The following COPG1 variants were observed in gnomAD, a reference collection of about 807,000 sequenced individuals.
COPG1 encodes the protein coatomer subunit gamma-1.
COPG1 carries 29 observed loss-of-function variants against 102.8 expected under a neutral mutation model. That is an observed-to-expected ratio of 0.28 (90% CI 0.21 to 0.38). The LOEUF is 0.38. COPG1 is among the 10% of genes least tolerant of loss of function. The probability of loss-of-function intolerance (pLI) is 1.00; values close to 1 mark genes in which losing one functional copy is unlikely to be tolerated. For synonymous variants in COPG1, 406 were observed against 421.6 expected, an observed-to-expected ratio of 0.96 and a Z score of 0.45; for missense variants, 875 against 1,132.7, an observed-to-expected ratio of 0.77 and a Z score of 3.27.
chr3:129,260,172 C>T (rs1254969531), intron 10 of COPG1, 161 bp from the exon 11 acceptor site: 2 of 672,712 alleles, frequency 3.0e-6, no homozygotes, highest in South Asian at 3.5e-5. Context: ...GTCCATGGCT[C>T]AGGTGCGCAG....
At chr3:129,251,347 G>A (rs1239906184) in intron 2 of COPG1, among the ~76,000 whole-genome samples, 1 of 148,130 alleles carries the variant, frequency 6.8e-6, no homozygotes, top group Non-Finnish European at 1.5e-5. Flanking sequence ...TGCATGACTT[G>A]TTTATTTTTA....
rs185417556 is a variant in COPG1, at chr3:129,271,484, C to T, written c.1844-283C>T. Among the ~76,000 whole-genome samples, 444 of 152,194 alleles carry T rather than the reference C, an allele frequency of 2.9e-3. 1 individual carries two copies. Among genetic ancestry groups the T allele is most frequent in the Non-Finnish European group, 5.1e-3 (347 of 68,036 alleles). Reference sequence around the variant, plus strand: ...TAGCTGGGGGATTCTCCAATTAGGTCTAGGATTTTGTGGTCTCATATCAGT... The same window carrying T: ...TAGCTGGGGGATTCTCCAATTAGGTTTAGGATTTTGTGGTCTCATATCAGT... On this transcript the variant is annotated intron_variant, in intron 18 of 23. Coordinates refer to ENST00000314797, the MANE Select transcript of COPG1 (RefSeq NM_016128.4). This position sits in a 1 kb window ranked among gnomAD's most constrained non-coding sequence, Gnocchi z 4.7.
chr3:129,254,888 C>A (rs756402486), intron 6 of COPG1, 97 bp from the exon 7 acceptor site: 22 of 1,210,094 alleles, frequency 1.8e-5, no homozygotes, highest in Non-Finnish European at 2.6e-5. Context: ...GAAACGCTTA[C>A]TTCCTCCTCA....
intron 3 of COPG1, 94 bp downstream of exon 3, chr3:129,252,455 T>C: frequency 9.4e-7 from 1 of 1,068,568 alleles, no homozygotes; most frequent in Non-Finnish European, 1.5e-6. Flanking sequence ...TTGGACAGCC[T>C]CTGTGTGGCT....
rs555906537 is a variant in COPG1 at position 129,268,959 on chromosome 3, A to G, written c.1802A>G (p.Gln601Arg). 1 of 1,614,184 alleles carries G rather than the reference A, an allele frequency of 6.2e-7. No individual in the cohort carries two copies. Among genetic ancestry groups the G allele is most frequent in the African/African-American group, 1.3e-5 (1 of 75,054 alleles). Residue 601 changes from glutamine to arginine, a missense_variant, in exon 18 of 24, where the codon CAG (glutamine) becomes CGG (arginine). By Grantham distance (43) the Gln-to-Arg change is conservative. Transcript: ENST00000314797. ...AGTACCCCCATCACAGCAGTCAAAC[A>G]GCCTGAGAAAGTGGCAGCTACCAGG... ...TESTPITAVK[Q>R]PEKVAATRQE...
chr3:129,276,820 TTTC>T (rs1193952767), intron 23 of COPG1, among the ~76,000 whole-genome samples: 1 of 133,194 alleles, frequency 7.5e-6, no homozygotes, highest in Non-Finnish European at 1.5e-5. Context: ...AGACAGTGAC[TTTC>T]TTTTTTTTTT....
intron 2 of COPG1, among the ~76,000 whole-genome samples, chr3:129,251,551 T>A (rs1939700990): frequency 6.6e-6 from 1 of 151,400 alleles, no homozygotes; most frequent in Non-Finnish European, 1.5e-5. Context: ...CCTGGCTGAT[T>A]TTTATATTTT....
rs15648 is a variant in COPG1 at position 129,272,299 on chromosome 3, T to C, written c.2042T>C (p.Met681Thr). 6.2e-7 allele frequency: 1 copy of C among 1,614,054 alleles called. No individual in the cohort carries two copies. The highest frequency in any genetic ancestry group is 1.1e-5 in the South Asian group (1 of 91,084). Residue 681 changes from methionine (M) to threonine (T), a missense_variant, in exon 20 of 24, where the codon ATG becomes ACG. Coordinates refer to ENST00000314797, the MANE Select transcript of COPG1 (RefSeq NM_016128.4). ...DQTLENVTVQ[M>T]EPTEAYEVLC... ...ACCTTGGAGAATGTCACAGTGCAGA[T>C]GGAGCCCACTGAGGCCTATGAGGTG...
rs772423585 is a variant in COPG1 at position 129,257,811 on chromosome 3, C to T, written c.822C>T (p.Ile274=). ...EMVVYEAASA[I]VNLPGCSAKE... is the part of the protein sequence containing the mutation. ...TGGTGTATGAAGCCGCCTCGGCCAT[C>T]GTCAATCTGCCAGGCTGCAGTGCCA... Residue 274 remains isoleucine, a synonymous_variant, in exon 10 of 24, where the codon ATC becomes ATT. Transcript: ENST00000314797. The T allele has an allele frequency of 2.2e-5, 36 of 1,613,998 alleles. 1 individual carries two copies. Among genetic ancestry groups the T allele is most frequent in the East Asian group, 8.9e-5 (4 of 44,902 alleles).
Position 129,253,078 on chromosome 3 carries a change from C to T in COPG1, c.323+123C>T. On this transcript the variant is annotated intron_variant, in intron 5 of 23. Coordinates refer to ENST00000314797, the MANE Select transcript of COPG1 (RefSeq NM_016128.4). ...CCAGCTGCCCACCCCGTGGCAGCTT[C>T]CCTGTTACCACTGCCCACCCCATGG... 3.9e-6 allele frequency: 3 copies of T among 774,734 alleles called. No individual in the cohort carries two copies. In the South Asian group the frequency reaches 4.9e-5, roughly 13 times the overall value. 48.0% of individuals were successfully genotyped at this position (774,734 alleles called of 1,614,324 possible).
intron 12 of COPG1, among the ~76,000 whole-genome samples, chr3:129,262,322 A>G (rs1005589202): frequency 2.0e-5 from 3 of 149,272 alleles, no homozygotes; most frequent in Non-Finnish European, 3.0e-5. Context: ...GTGTGACCTC[A>G]GCTCACTGCA....
rs768991875 is a variant in COPG1, at chr3:129,265,684, C to T, written c.1360C>T (p.Arg454Cys). The change falls in exon 14 of 24, where the codon CGT (arginine) becomes TGT (cysteine). Residue 454 changes from arginine (R) to cysteine (C), a missense_variant. By Grantham distance (180) the Arg-to-Cys change is radical. Transcript: ENST00000314797. ...CTGCGAGTTCACAGTGCTGGCCACC[C>T]GTATTCTACATCTCCTGGGCCAGGA... ...EDCEFTVLATRILHLLGQEGP... is the reference protein window; with the variant it reads ...EDCEFTVLATCILHLLGQEGP... 7 of 1,614,150 alleles carry T rather than the reference C, an allele frequency of 4.3e-6. No individual in the cohort carries two copies. Among genetic ancestry groups the T allele is most frequent in the South Asian group, 1.1e-5 (1 of 91,072 alleles).
At chr3:129,269,111 T>C in intron 18 of COPG1, 111 bp downstream of exon 18, 1 of 904,572 alleles carries the variant, frequency 1.1e-6, no homozygotes, top group South Asian at 1.4e-5. Flanking sequence ...GCCCTTGAGA[T>C]GCTTTAGACC....
At chr3:129,273,454 T>C (rs1940217384) in intron 21 of COPG1, among the ~76,000 whole-genome samples, 1 of 152,266 alleles carries the variant, frequency 6.6e-6, no homozygotes, top group South Asian at 2.1e-4. Context: ...AGAGTTATTT[T>C]TGGGGGGAAG....
In COPG1 at chr3:129,268,359, G is replaced by A. The variant is rs544568310; in HGVS notation, c.1649-136G>A. ...GGAGGATGTGTCTGAGAATGCAGAGGCTTAGAGAATAAAGTGATTTTCTCA... is the reference window on the plus strand; with the variant it reads ...GGAGGATGTGTCTGAGAATGCAGAGACTTAGAGAATAAAGTGATTTTCTCA... On this transcript the variant is annotated intron_variant, in intron 16 of 23. Transcript: ENST00000314797. 2.1e-4 allele frequency: 173 copies of A among 823,916 alleles called. No homozygotes were observed. The African/African-American group carries it at 2.8e-3, about 13-fold the overall frequency. 51.0% of individuals were successfully genotyped at this position (823,916 alleles called of 1,614,324 possible). A position where few individuals can be genotyped will look rare whatever the true frequency, so the allele number is the denominator to read the frequency against.
intron 1 of COPG1, among the ~76,000 whole-genome samples, 186 bp from the exon 2 acceptor site, chr3:129,250,496 T>C (rs1038141185): frequency 2.0e-5 from 3 of 152,152 alleles, no homozygotes; most frequent in Non-Finnish European, 2.9e-5. Context: ...TGGGGTAGAG[T>C]GGAGCCCACC....
intron 10 of COPG1, among the ~76,000 whole-genome samples, chr3:129,259,204 T>G (rs988540533): frequency 5.3e-5 from 8 of 152,124 alleles, no homozygotes; most frequent in Non-Finnish European, 1.2e-4. Context: ...GGCTCACGCC[T>G]GTAATCCCAG....
chr3:129,270,033 G>A (rs1387570657), intron 18 of COPG1, among the ~76,000 whole-genome samples: 1 of 142,888 alleles, frequency 7.0e-6, no homozygotes, highest in Admixed American at 6.8e-5. Flanking sequence ...GTGATTTGAA[G>A]AGGCCACACT....
At chr3:129,274,434 G>A (rs1316768650) in intron 21 of COPG1, among the ~76,000 whole-genome samples, 3 of 152,178 alleles carry the variant, frequency 2.0e-5, no homozygotes, top group African/African-American at 7.2e-5. Flanking sequence ...TGCTGAACTA[G>A]AAACAGCTGC....
Sources: gnomAD v4.1 joint callset for allele counts (sites outside exome capture counted in the v4.1 genomes callset) on GRCh38, gnomAD v4.1.1 for gene constraint, Gnocchi (gnomAD v3.1) non-coding constraint, MANE v1.5 for transcripts, NCBI Gene and HGNC (gene_info 2026-07-23, HGNC 2026-07-21) for gene names.